The following EPHA3 variants were observed in gnomAD, a reference collection of about 807,000 sequenced individuals.
The protein encoded by EPHA3 is ephrin type-A receptor 3.
In EPHA3, 42 loss-of-function variants were observed where a neutral mutation model predicts 107.1. The observed-to-expected ratio is 0.39, with a 90% CI of 0.31 to 0.51. EPHA3 has a LOEUF of 0.51. Ranked by LOEUF, EPHA3 falls within the 20% of genes least tolerant of loss-of-function variation. The pLI is 0.78. For missense variants in EPHA3, 1,183 were observed against 1,211.2 expected (o/e 0.98, Z 0.35); for synonymous variants, 461 against 424.8 (o/e 1.09, Z -1.05).
intron 3 of EPHA3, among the ~76,000 whole-genome samples, chr3:89,325,016 T>A (rs1707134140): frequency 6.6e-6 from 1 of 152,166 alleles, no homozygotes; most frequent in African/African-American, 2.4e-5. Context: ...TCCATGTTGC[T>A]GCAAAGGACA....
At chr3:89,298,727 TAA>T (rs1706418797) in intron 3 of EPHA3, among the ~76,000 whole-genome samples, 1 of 152,108 alleles carries the variant, frequency 6.6e-6, no homozygotes, top group African/African-American at 2.4e-5. Context: ...ATAAAATAGT[TAA>T]GTGTGCTGAA....
chr3:89,357,465 G>A (rs1707991895), intron 5 of EPHA3, among the ~76,000 whole-genome samples: 1 of 150,894 alleles, frequency 6.6e-6, no homozygotes. Flanking sequence ...GAAAATTTTT[G>A]CATCTTTACT....
chr3:89,350,723 C>T (rs1426004303), intron 5 of EPHA3, among the ~76,000 whole-genome samples: 1 of 151,060 alleles, frequency 6.6e-6, no homozygotes, highest in East Asian at 1.9e-4. Flanking sequence ...TTTTTCTGTT[C>T]TGTTTTTTCC....
At chr3:89,223,343 A>G (rs1428852279) in intron 3 of EPHA3, among the ~76,000 whole-genome samples, 1 of 152,142 alleles carries the variant, frequency 6.6e-6, no homozygotes, top group Non-Finnish European at 1.5e-5. Context: ...GGTTGCTCTT[A>G]TTAGAGATGA....
chr3:89,266,652 A>T (rs1462866252), intron 3 of EPHA3, among the ~76,000 whole-genome samples: 1 of 152,048 alleles, frequency 6.6e-6, no homozygotes, highest in Non-Finnish European at 1.5e-5. Context: ...GGTAATTTTA[A>T]TGCTTTCTTT....
chr3:89,420,304 T>C (rs1269159386), intron 11 of EPHA3, among the ~76,000 whole-genome samples: 2 of 151,486 alleles, frequency 1.3e-5, no homozygotes, highest in Admixed American at 6.6e-5. Context: ...TTTACCATTT[T>C]ATAGAGCATT....
chr3:89,394,630 T>C (rs1708811833), intron 5 of EPHA3, among the ~76,000 whole-genome samples: 1 of 152,216 alleles, frequency 6.6e-6, no homozygotes, highest in Non-Finnish European at 1.5e-5. Flanking sequence ...TAGGAAAGTT[T>C]GAATGAGAGG....
intron 2 of EPHA3, among the ~76,000 whole-genome samples, chr3:89,187,529 G>A (rs1011593121): frequency 5.9e-5 from 9 of 151,524 alleles, no homozygotes; most frequent in African/African-American, 2.2e-4. Flanking sequence ...TGCTAGTAAA[G>A]TGACTTGCAC....
intron 3 of EPHA3, among the ~76,000 whole-genome samples, chr3:89,297,019 G>A (rs975965748): frequency 1.3e-5 from 2 of 152,146 alleles, no homozygotes; most frequent in Admixed American, 1.3e-4. Flanking sequence ...TCATAGAATT[G>A]AAGAATGTTA....
chr3:89,417,067 C>G (rs1219493752), intron 10 of EPHA3, among the ~76,000 whole-genome samples: 1 of 151,448 alleles, frequency 6.6e-6, no homozygotes. Flanking sequence ...TGGGTCTGAA[C>G]TCAGAGAGAT....
intron 15 of EPHA3, among the ~76,000 whole-genome samples, chr3:89,455,630 A>C (rs1031765351): frequency 6.6e-6 from 1 of 152,120 alleles, no homozygotes; most frequent in Non-Finnish European, 1.5e-5. Flanking sequence ...TAACCTTTCG[A>C]CTTGTGCCAC....
chr3:89,197,438 AAAT>A (rs1210154687), intron 2 of EPHA3, among the ~76,000 whole-genome samples: 1 of 82,518 alleles, frequency 1.2e-5, no homozygotes, highest in East Asian at 3.0e-4. Flanking sequence ...CATAAAAAAA[AAAT>A]AAAAACATAA....
intron 2 of EPHA3, among the ~76,000 whole-genome samples, chr3:89,190,565 G>T (rs866050429): frequency 1.9e-4 from 29 of 152,138 alleles, no homozygotes; most frequent in South Asian, 6.2e-4. Context: ...CAGGCTGGAA[G>T]TGTGAAATCA....
At chr3:89,132,841 G>C (rs904377900) in intron 2 of EPHA3, among the ~76,000 whole-genome samples, 4 of 152,146 alleles carry the variant, frequency 2.6e-5, no homozygotes, top group African/African-American at 9.7e-5. Flanking sequence ...AGTGGGGTAC[G>C]ACTGAGCCGC....
chr3:89,326,929 T>A (rs1156949608), intron 3 of EPHA3, among the ~76,000 whole-genome samples: 1 of 152,144 alleles, frequency 6.6e-6, no homozygotes, highest in Admixed American at 6.6e-5. Flanking sequence ...TATATGTGTT[T>A]GGTTGGACCA....
At chr3:89,155,264 C>T (rs988184172) in intron 2 of EPHA3, among the ~76,000 whole-genome samples, 8 of 151,850 alleles carry the variant, frequency 5.3e-5, no homozygotes, top group Non-Finnish European at 1.0e-4. Flanking sequence ...TATTTGTTAA[C>T]TATGGTTCCA....
At chr3:89,259,362 A>G (rs992817186) in intron 3 of EPHA3, among the ~76,000 whole-genome samples, 1 of 152,156 alleles carries the variant, frequency 6.6e-6, no homozygotes, top group Non-Finnish European at 1.5e-5. Context: ...TTTTGGCTAA[A>G]ATGAATTTTG....
chr3:89,209,937 T>A lies in EPHA3; in HGVS notation c.231T>A (p.Ser77Arg), dbSNP rs2107180859. ...TYQVCNVMDH[S>R]QNNWLRTNWV... ...AGGTGTGCAATGTCATGGACCACAG[T>A]CAAAACAATTGGCTGAGAACAAACT... The change falls in exon 3 of 17, where the codon AGT becomes AGA. Residue 77 changes from serine (S) to arginine (R), a missense_variant. Transcript: ENST00000336596. The A allele has an allele frequency of 6.2e-7, 1 of 1,613,858 alleles. No individual in the cohort carries two copies. The highest frequency in any genetic ancestry group is 8.5e-7 in the Non-Finnish European group (1 of 1,179,910).
rs759109974 is a variant in EPHA3, at chr3:89,123,286, G to T, written c.89-3923G>T. Among the ~76,000 whole-genome samples, 37 of 152,174 alleles carry T rather than the reference G, an allele frequency of 2.4e-4. 2 individuals carry two copies. The highest frequency in any genetic ancestry group is 4.3e-4 in the Non-Finnish European group (29 of 68,028). On this transcript the variant is annotated intron_variant, in intron 1 of 16. Coordinates refer to ENST00000336596, the MANE Select transcript of EPHA3 (RefSeq NM_005233.6). ...AGCCTCCCAAGTAGCTGGGATTACA[G>T]GTGTGTGCTGCCATGCCAGCTAATT...
Sources: gnomAD v4.1 joint callset for allele counts (sites outside exome capture counted in the v4.1 genomes callset) on GRCh38, gnomAD v4.1.1 for gene constraint, MANE v1.5 for transcripts, NCBI Gene and HGNC (gene_info 2026-07-23, HGNC 2026-07-21) for gene names.